The following ZNF665 variants were observed in gnomAD, a reference collection of about 807,000 sequenced individuals.
ZNF665 encodes the protein zinc finger protein 665.
Under a neutral mutation model 7.9 loss-of-function variants are expected in ZNF665, and 6 were observed. The observed-to-expected ratio is 0.76, with a 90% confidence interval of 0.42 to 1.50. The LOEUF is 1.50. Among genes scored for constraint, ZNF665 ranks in the 40% most tolerant of loss-of-function variants. ZNF665 has a pLI of 0.01. For missense variants in ZNF665, 819 were observed against 806.7 expected, an observed-to-expected ratio of 1.02 and a Z score of -0.18; for synonymous variants, 242 against 274.5, an observed-to-expected ratio of 0.88 and a Z score of 1.17.
At chr19:53,189,636 G>A (rs2090800516) in intron 1 of ZNF665, among the ~76,000 whole-genome samples, 1 of 147,916 alleles carries the variant, frequency 6.8e-6, no homozygotes. Context: ...GGAACATGAA[G>A]GCGGACTAGG....
intron 1 of ZNF665, among the ~76,000 whole-genome samples, chr19:53,189,864 C>T (rs1214303604): frequency 6.6e-6 from 1 of 152,052 alleles, no homozygotes; most frequent in Non-Finnish European, 1.5e-5. Context: ...CGCCTGGCAA[C>T]GGGCATCTTC....
At chr19:53,188,967 G>A (rs936512345) in intron 1 of ZNF665, among the ~76,000 whole-genome samples, 3 of 151,910 alleles carry the variant, frequency 2.0e-5, no homozygotes, top group African/African-American at 7.3e-5. Flanking sequence ...CAAAGTGCTG[G>A]GATTGCAGGC....
intron 3 of ZNF665, among the ~76,000 whole-genome samples, chr19:53,170,786 C>A (rs1385958014): frequency 6.6e-6 from 1 of 152,132 alleles, no homozygotes; most frequent in Admixed American, 6.6e-5. Context: ...CTATACTTGA[C>A]CCTTGGACAA....
rs370811178 is a variant in ZNF665, at chr19:53,165,502, G to A, written c.988C>T (p.Arg330Cys). The A allele has an allele frequency of 2.7e-5, 44 of 1,613,470 alleles. No individual in the cohort carries two copies. The highest frequency in any genetic ancestry group is 1.6e-4 in the East Asian group (7 of 44,812). ...GTCTGATGGGTAGTCAGGCTTGAGC[G>A]AACACTAAAGGCTTTGCCACACTCA... ...CNECGKAFSV[R>C]SSLTTHQTIH... The change falls in exon 4 of 4, where the codon CGC becomes TGC. Residue 330 changes from arginine (R) to cysteine (C), a missense_variant. Coordinates refer to ENST00000396424, the MANE Select transcript of ZNF665 (RefSeq NM_024733.5).
Position 53,164,758 on chromosome 19 carries a change from C to T in ZNF665, c.1732G>A (p.Ala578Thr). 6.2e-7 allele frequency: 1 copy of T among 1,614,214 alleles called. No individual in the cohort carries two copies. The highest frequency in any genetic ancestry group is 1.1e-5 in the South Asian group (1 of 91,090). ...GCTAGGTTTGAATGTACACTAAATG[C>T]TTTGCCGCACTCATTACACTTATAA... ...KPYKCNECGK[A>T]FSVHSNLATH... The change falls in exon 4 of 4, where the codon GCA (alanine) becomes ACA (threonine). Residue 578 changes from alanine to threonine, a missense_variant. Ala to Thr is a moderately conservative substitution (Grantham distance 58, BLOSUM62 0). Transcript: ENST00000396424.
chr19:53,172,969 C>T (rs1487705599), intron 3 of ZNF665, among the ~76,000 whole-genome samples: 1 of 151,956 alleles, frequency 6.6e-6, no homozygotes, highest in Non-Finnish European at 1.5e-5. Context: ...ATACAAATTG[C>T]AAATACTTTC....
At position 53,166,320 on chromosome 19, in the gene ZNF665, T is replaced by C; in HGVS notation, c.170A>G (p.Asp57Gly). Residue 57 changes from aspartate (D) to glycine (G), a missense_variant, in exon 4 of 4, where the codon GAT becomes GGT. By Grantham distance (94) the Asp-to-Gly change is moderately conservative. Coordinates refer to ENST00000396424, the MANE Select transcript of ZNF665 (RefSeq NM_024733.5). ...LDISCKCVNT[D>G]LPPKGKNNMG... ...ATTGTTCTTCCCCTTTGGTGGCAAA[T>C]CCGTGTTTACACATTTACAAGAGAT... The C allele has an allele frequency of 6.3e-7, 1 of 1,592,672 alleles. No homozygotes were observed. The highest frequency in any genetic ancestry group is 1.2e-5 in the South Asian group (1 of 86,718).
intron 1 of ZNF665, among the ~76,000 whole-genome samples, chr19:53,184,757 CGT>C: frequency 2.0e-5 from 3 of 152,174 alleles, no homozygotes; most frequent in South Asian, 2.1e-4. Flanking sequence ...ACCACCAAGA[CGT>C]GGAGACCGGT....
chr19:53,176,860 C>T (rs2090702215), intron 2 of ZNF665, among the ~76,000 whole-genome samples: 1 of 152,346 alleles, frequency 6.6e-6, no homozygotes, highest in Non-Finnish European at 1.5e-5. Flanking sequence ...TGGCTCACGC[C>T]TGTAATCCCA....
At position 53,165,485 on chromosome 19, in the gene ZNF665, G is replaced by C; in HGVS notation, c.1005C>G (p.Thr335=). Residue 335 remains threonine, a synonymous_variant, in exon 4 of 4, where the codon ACC becomes ACG. Coordinates refer to ENST00000396424, the MANE Select transcript of ZNF665 (RefSeq NM_024733.5). Reference sequence around the variant, plus strand: ...TTTCTCCAGTGTGGATTGTCTGATGGGTAGTCAGGCTTGAGCGAACACTAA... The same window carrying C: ...TTTCTCCAGTGTGGATTGTCTGATGCGTAGTCAGGCTTGAGCGAACACTAA... ...KAFSVRSSLT[T]HQTIHTGEKP... 6.2e-7 allele frequency: 1 copy of C among 1,612,322 alleles called. No individual in the cohort carries two copies.
chr19:53,168,895 C>CA (rs898160629), intron 3 of ZNF665, among the ~76,000 whole-genome samples: 1 of 151,818 alleles, frequency 6.6e-6, no homozygotes, highest in Non-Finnish European at 1.5e-5. Flanking sequence ...TCTTCATATG[C>CA]AAAAAAACCC....
Position 53,164,436 on chromosome 19 carries a change from C to T in ZNF665, c.*17G>A, listed in dbSNP as rs1051450672. On this transcript the variant is annotated 3_prime_UTR_variant, in exon 4 of 4. Transcript: ENST00000396424. ...TACAGGCGTGAGCCACCACGCCCGG[C>T]GTCCTTTGTAAGGTTTCTATCCACT... The T allele has an allele frequency of 2.3e-5, 36 of 1,540,590 alleles. No homozygotes were observed. Among genetic ancestry groups the T allele is most frequent in the Non-Finnish European group, 2.9e-5 (33 of 1,144,482 alleles).
In ZNF665 at chr19:53,191,099, T is replaced by C. The variant is rs138863328; in HGVS notation, c.-46+2213A>G. On this transcript the variant is annotated intron_variant, in intron 1 of 3. Transcript: ENST00000396424. ...CTCCGAATCTGGGACTTGGGGCTGG[T>C]ATCTGAAGAGGGAACCCTCAACTAG... 4.6e-3 allele frequency among the ~76,000 whole-genome samples: 683 copies of C among 148,166 alleles called. 6 individuals are homozygous for C. Among genetic ancestry groups the C allele is most frequent in the African/African-American group, 0.017 (657 of 38,154 alleles).
At position 53,167,258 on chromosome 19, in the gene ZNF665, C is replaced by T. The variant is rs573855577; in HGVS notation, c.143-911G>A. ...TCAGGTGATCCCCCCGCCTCAGCCT[C>T]CCAAAGTGCTGGTATTACAGGAGTG... On this transcript the variant is annotated intron_variant, in intron 3 of 3. Coordinates refer to ENST00000396424, the MANE Select transcript of ZNF665 (RefSeq NM_024733.5). 2.3e-4 allele frequency among the ~76,000 whole-genome samples: 35 copies of T among 152,216 alleles called. 1 individual carries two copies. The East Asian group carries it at 5.0e-3, about 22-fold the overall frequency.
intron 2 of ZNF665, among the ~76,000 whole-genome samples, chr19:53,179,190 G>A (rs571188953): frequency 3.9e-5 from 6 of 152,050 alleles, no homozygotes; most frequent in African/African-American, 7.2e-5. Flanking sequence ...TGGCTAACAC[G>A]GTGAAACCCC....
chr19:53,179,142 G>C (rs910686002), intron 2 of ZNF665, among the ~76,000 whole-genome samples: 1 of 152,076 alleles, frequency 6.6e-6, no homozygotes, highest in Non-Finnish European at 1.5e-5. Flanking sequence ...GGGAGGCCGA[G>C]GCGGGTGGAT....
At chr19:53,183,660 G>A (rs985015919) in intron 1 of ZNF665, among the ~76,000 whole-genome samples, 1 of 152,070 alleles carries the variant, frequency 6.6e-6, no homozygotes, top group Non-Finnish European at 1.5e-5. Context: ...ATGCTGAAGC[G>A]GGGGTCAGGG....
At chr19:53,189,136 G>C (rs1438750996) in intron 1 of ZNF665, among the ~76,000 whole-genome samples, 1 of 150,708 alleles carries the variant, frequency 6.6e-6, no homozygotes, top group African/African-American at 2.5e-5. Context: ...TAATTCCCTT[G>C]AAGTAAAAGT....
chr19:53,182,648 G>T (rs1308660338), intron 2 of ZNF665: 1 of 866,342 alleles, frequency 1.2e-6, no homozygotes, highest in Non-Finnish European at 1.9e-6. Context: ...CTCCATCCAT[G>T]TCGGGGTGTG....
Sources: gnomAD v4.1 joint callset for allele counts (sites outside exome capture counted in the v4.1 genomes callset) on GRCh38, gnomAD v4.1.1 for gene constraint, MANE v1.5 for transcripts, NCBI Gene and HGNC (gene_info 2026-07-23, HGNC 2026-07-21) for gene names.